The following SUN1 variants were observed in gnomAD, a reference collection of about 807,000 sequenced individuals.
SUN1 encodes SUN domain-containing protein 1.
A neutral mutation model predicts 103.2 loss-of-function variants in SUN1; 61 were observed. The ratio of observed to expected loss-of-function variants is 0.59; its 90% CI spans 0.48 to 0.73. The LOEUF (loss-of-function observed/expected upper bound fraction) is 0.73, where lower values mean the gene tolerates loss of function less well. Ranked by LOEUF, SUN1 falls within the 30% of genes least tolerant of loss-of-function variation. The probability of loss-of-function intolerance (pLI) is 0.00; values close to 1 mark genes in which losing one functional copy is unlikely to be tolerated. For synonymous variants in SUN1, 490 were observed against 425.7 expected (o/e 1.15, Z -1.86); for missense variants, 1,052 against 1,034.6 (o/e 1.02, Z -0.23).
intron 1 of SUN1, chr7:817,286 G>T (rs950349273): frequency 1.3e-6 from 1 of 788,946 alleles, no homozygotes; most frequent in Non-Finnish European, 2.1e-6. Flanking sequence ...GTAGGGTTGT[G>T]GTCTCTCCAT....
intron 3 of SUN1, chr7:842,846 G>A (rs1811518395): frequency 2.4e-6 from 1 of 422,540 alleles, no homozygotes; most frequent in Admixed American, 4.3e-5. Flanking sequence ...CAGCTAGTGA[G>A]AGTGGTTACC....
In SUN1 at chr7:851,374, C is replaced by T; in HGVS notation, c.659-10C>T. On this transcript the variant is annotated splice_polypyrimidine_tract_variant and intron_variant, in intron 5 of 18. Transcript: ENST00000401592. ...GTCTGTCTGAGGCCACACACGTCTT[C>T]CCTGCACAGGTTACTTCTTGCTGCA... 3.8e-6 allele frequency: 6 copies of T among 1,585,614 alleles called. No homozygotes were observed. The highest frequency in any genetic ancestry group is 1.2e-5 in the South Asian group (1 of 86,926).
In SUN1 at chr7:873,394, C is replaced by T; in HGVS notation, c.*63C>T. On this transcript the variant is annotated 3_prime_UTR_variant, in exon 19 of 19. Transcript: ENST00000401592. ...CTGGGACAGCGTGAAACACTGGAAT[C>T]CTTCATGGACGAGGGCATATACAAT... The T allele has an allele frequency of 7.1e-7, 1 of 1,405,696 alleles. No homozygotes were observed. The highest frequency in any genetic ancestry group is 1.0e-6 in the Non-Finnish European group (1 of 993,460). The allele number at this position is 1,405,696 out of a possible 1,614,324, so 87.1% of individuals were successfully genotyped here.
intron 17 of SUN1, among the ~76,000 whole-genome samples, chr7:870,843 G>C (rs1335635196): frequency 2.6e-5 from 4 of 151,812 alleles, no homozygotes. Flanking sequence ...TTGTACGGCC[G>C]AGTCGGTGCA....
chr7:815,726 G>A (rs1311942047), upstream of SUN1, among the ~76,000 whole-genome samples: 1 of 152,266 alleles, frequency 6.6e-6, no homozygotes, highest in East Asian at 1.9e-4. Context: ...CGCGGGAAGA[G>A]CCGGCGTTTC....
chr7:838,093 C>G (rs1305502103), intron 1 of SUN1, among the ~76,000 whole-genome samples: 1 of 152,178 alleles, frequency 6.6e-6, no homozygotes, highest in Admixed American at 6.5e-5. Context: ...AGCTCTGTTG[C>G]CCAGGCTGAA....
chr7:869,564 TCCC>T (rs775563409), intron 17 of SUN1, 48 bp downstream of exon 17: 4 of 1,591,658 alleles, frequency 2.5e-6, no homozygotes, highest in Non-Finnish European at 2.6e-6. Flanking sequence ...TCCTGGGAGT[TCCC>T]ACAGATGAAA....
At chr7:839,528 G>GGCATGAGCCACT (rs1806986368) in intron 2 of SUN1, among the ~76,000 whole-genome samples, 1 of 142,952 alleles carries the variant, frequency 7.0e-6, no homozygotes, top group African/African-American at 2.6e-5. Context: ...TGGGATTACA[G>GGCATGAGCCACT]GCGCCCGCCA....
At chr7:872,595 C>G (rs984169373) in intron 18 of SUN1, 33 bp downstream of exon 18, 1 of 1,527,490 alleles carries the variant, frequency 6.5e-7, no homozygotes, top group African/African-American at 1.4e-5. Context: ...CCTGGGGTCT[C>G]TGAGTCCCAC....
chr7:836,668 C>G (rs749915836), intron 1 of SUN1, among the ~76,000 whole-genome samples: 11 of 152,218 alleles, frequency 7.2e-5, no homozygotes, highest in Non-Finnish European at 1.3e-4. Flanking sequence ...CTTCAGCTGA[C>G]TGGAGGGCAG....
At chr7:851,804 T>C in intron 6 of SUN1, 146 bp from the exon 7 acceptor site, 1 of 751,048 alleles carries the variant, frequency 1.3e-6, no homozygotes, top group East Asian at 2.6e-5. Context: ...CCTTGCTTCC[T>C]GCCGTGGCGA....
chr7:817,333 C>G (rs886307261), intron 1 of SUN1: 8 of 1,292,574 alleles, frequency 6.2e-6, no homozygotes, highest in Non-Finnish European at 8.6e-6. Flanking sequence ...AAGCGATCCC[C>G]TCGCCCCAGC....
chr7:826,429 C>G (rs1792038056), intron 1 of SUN1, among the ~76,000 whole-genome samples: 1 of 152,194 alleles, frequency 6.6e-6, no homozygotes, highest in Non-Finnish European at 1.5e-5. Flanking sequence ...AGGGAAGGAT[C>G]TGGCGAAACA....
In SUN1 at chr7:843,590, C is replaced by T. The variant is rs751449396; in HGVS notation, c.658+70C>T. 8 of 1,612,974 alleles carry T rather than the reference C, an allele frequency of 5.0e-6. No homozygotes were observed. The East Asian group carries it at 1.8e-4, about 36-fold the overall frequency. On this transcript the variant is annotated intron_variant, in intron 5 of 18. Transcript: ENST00000401592. The stretch of plus-strand genomic sequence containing the variant: ...AATTTAATATTTCCTTTCTGTAAGT[C>T]TCAGTGTCTGCACTATTTGTCTTGG...
chr7:867,234 C>T (rs137970279), intron 16 of SUN1, among the ~76,000 whole-genome samples: 30 of 152,352 alleles, frequency 2.0e-4, no homozygotes, highest in African/African-American at 5.3e-4. Flanking sequence ...AGGGCACAGC[C>T]GGAGCCCCTC....
intron 5 of SUN1, among the ~76,000 whole-genome samples, chr7:845,331 C>T (rs1017576741): frequency 6.6e-6 from 1 of 152,216 alleles, no homozygotes; most frequent in African/African-American, 2.4e-5. Flanking sequence ...GGATGTCGGT[C>T]TTGGGTGTTT....
chr7:833,970 G>A (rs1429315060), intron 1 of SUN1, among the ~76,000 whole-genome samples: 1 of 152,242 alleles, frequency 6.6e-6, no homozygotes, highest in African/African-American at 2.4e-5. Context: ...TAATTTCACT[G>A]AAATTCACAG....
intron 15 of SUN1, among the ~76,000 whole-genome samples, chr7:861,816 G>C (rs1339510199): frequency 6.6e-6 from 1 of 152,220 alleles, no homozygotes; most frequent in African/African-American, 2.4e-5. Flanking sequence ...TCTCCCCGAG[G>C]GCGTCCACTC....
Position 874,432 on chromosome 7 carries a change from T to A in SUN1, c.*1101T>A, listed in dbSNP as rs894358835. On this transcript the variant is annotated 3_prime_UTR_variant, in exon 19 of 19. Coordinates refer to ENST00000401592, the MANE Select transcript of SUN1 (RefSeq NM_001130965.3). ...CAAGGCACTTAAAGTGTTACAGATG[T>A]TTTACCTTAAGAATTATTTAAGTTG... The A allele has an allele frequency of 6.6e-6, 1 of 152,638 alleles. No homozygotes were observed. The highest frequency in any genetic ancestry group is 1.5e-5 in the Non-Finnish European group (1 of 68,036). 9.5% of individuals were successfully genotyped at this position (152,638 alleles called of 1,614,324 possible). A position where few individuals can be genotyped will look rare whatever the true frequency, so the allele number is the denominator to read the frequency against.
Sources: allele counts gnomAD v4.1 joint callset (sites outside exome capture counted in the v4.1 genomes callset), GRCh38; gene constraint gnomAD v4.1.1; transcripts MANE v1.5; gene names NCBI Gene and HGNC (gene_info 2026-07-23, HGNC 2026-07-21).